Variants in FOXN3 observed in about 807,000 individuals in gnomAD.
FOXN3 encodes the protein forkhead box N3, also known as forkhead box protein N3.
FOXN3 carries 7 observed loss-of-function variants against 38.4 expected under a neutral mutation model. The ratio of observed to expected loss-of-function variants is 0.18; its 90% CI spans 0.10 to 0.34. The LOEUF (loss-of-function observed/expected upper bound fraction) is 0.34. Ranked by LOEUF, FOXN3 falls within the 10% of genes least tolerant of loss-of-function variation. The pLI is 1.00. For synonymous variants in FOXN3, 230 were observed against 242.2 expected, an observed-to-expected ratio of 0.95 and a Z score of 0.47; for missense variants, 456 against 613.4, an observed-to-expected ratio of 0.74 and a Z score of 2.71.
intron 4 of FOXN3, among the ~76,000 whole-genome samples, chr14:89,277,992 C>T (rs1287334415): frequency 1.3e-5 from 2 of 152,042 alleles, no homozygotes; most frequent in Non-Finnish European, 2.9e-5. Flanking sequence ...GTCAGTTCTC[C>T]CAAGAAATGA....
intron 3 of FOXN3, among the ~76,000 whole-genome samples, chr14:89,324,908 G>A (rs1346303642): frequency 6.6e-6 from 1 of 152,166 alleles, no homozygotes; most frequent in Non-Finnish European, 1.5e-5. Flanking sequence ...CTGAGATTCT[G>A]CATTTCTCCC....
At chr14:89,498,373 C>A (rs1185178189) in intron 1 of FOXN3, among the ~76,000 whole-genome samples, 3 of 151,968 alleles carry the variant, frequency 2.0e-5, no homozygotes, top group Admixed American at 1.3e-4. Flanking sequence ...CAGGCACGTG[C>A]CACCACACCC....
chr14:89,597,265 A>AT (rs1471190386), intron 1 of FOXN3, among the ~76,000 whole-genome samples: 1 of 152,034 alleles, frequency 6.6e-6, no homozygotes, highest in South Asian at 2.1e-4. Context: ...TTTCATTTAT[A>AT]TTTTTTGTAA....
At chr14:89,246,601 G>A (rs1373544816) in intron 4 of FOXN3, among the ~76,000 whole-genome samples, 10 of 129,020 alleles carry the variant, frequency 7.8e-5, no homozygotes, top group Non-Finnish European at 4.6e-5. Context: ...GTTCAGGGGC[G>A]TGGTCTCGGC....
At chr14:89,280,921 G>C in intron 4 of FOXN3, 29 bp downstream of exon 4, 1 of 1,588,914 alleles carries the variant, frequency 6.3e-7, no homozygotes, top group Non-Finnish European at 8.6e-7. Context: ...GAGGGGGAGG[G>C]AGAGGAAGGG....
chr14:89,265,081 C>T (rs1379580436), intron 4 of FOXN3, among the ~76,000 whole-genome samples: 1 of 152,108 alleles, frequency 6.6e-6, no homozygotes, highest in Non-Finnish European at 1.5e-5. Context: ...ATGTCACAAC[C>T]TTTGCCTTTG....
chr14:89,404,907 C>T (rs1006785929), intron 2 of FOXN3, among the ~76,000 whole-genome samples: 1 of 152,104 alleles, frequency 6.6e-6, no homozygotes, highest in African/African-American at 2.4e-5. Context: ...TTTACACATC[C>T]GAACCAGACC....
chr14:89,469,323 T>C (rs1566666818), intron 1 of FOXN3, among the ~76,000 whole-genome samples: 4 of 152,134 alleles, frequency 2.6e-5, no homozygotes, highest in African/African-American at 7.2e-5. Flanking sequence ...GCATACCCAG[T>C]TGGGTTAGGG....
intron 1 of FOXN3, among the ~76,000 whole-genome samples, chr14:89,602,125 CA>C (rs1896164204): frequency 1.3e-5 from 2 of 151,878 alleles, no homozygotes; most frequent in Admixed American, 1.3e-4. Context: ...CCCATCTCCA[CA>C]AAAAATACAA....
intron 4 of FOXN3, among the ~76,000 whole-genome samples, chr14:89,256,577 T>C (rs1278713658): frequency 6.6e-6 from 1 of 152,214 alleles, no homozygotes; most frequent in Non-Finnish European, 1.5e-5. Flanking sequence ...GCTGAGCCTC[T>C]GATGCTTGGC....
At chr14:89,217,599 C>T (rs974324537) in intron 4 of FOXN3, among the ~76,000 whole-genome samples, 1 of 152,230 alleles carries the variant, frequency 6.6e-6, no homozygotes, top group East Asian at 1.9e-4. Context: ...CTTCTCTGAG[C>T]TTCAGTTTCC....
chr14:89,555,864 TGTGTGTGTGTGTATGTGG>T (rs1895106350), intron 1 of FOXN3, among the ~76,000 whole-genome samples: 1 of 128,664 alleles, frequency 7.8e-6, no homozygotes. Flanking sequence ...TGTGTGTGTG[TGTGTGTGTGTGTATGTGG>T]GGGTGTATGT....
At chr14:89,424,714 A>AC (rs888269376) in intron 1 of FOXN3, among the ~76,000 whole-genome samples, 10 of 109,070 alleles carry the variant, frequency 9.2e-5, no homozygotes, top group African/African-American at 4.1e-4. Context: ...ATGACTCTAC[A>AC]AAAAAAAAAA....
chr14:89,471,175 T>A (rs1893087392), intron 1 of FOXN3, among the ~76,000 whole-genome samples: 2 of 152,076 alleles, frequency 1.3e-5, no homozygotes, highest in Non-Finnish European at 2.9e-5. Context: ...GGCTTATATT[T>A]TTGAGCAAAA....
intron 3 of FOXN3, among the ~76,000 whole-genome samples, chr14:89,306,323 C>A (rs1327468718): frequency 7.1e-6 from 1 of 141,216 alleles, no homozygotes; most frequent in Non-Finnish European, 1.5e-5. Context: ...CTCACAGACA[C>A]ACAGACGCAT....
chr14:89,570,087 G>A (rs796863284), intron 1 of FOXN3, among the ~76,000 whole-genome samples: 51 of 150,680 alleles, frequency 3.4e-4, no homozygotes, highest in Middle Eastern at 3.4e-3. Flanking sequence ...TGCAATCTCC[G>A]CCTCCCAGGT....
chr14:89,507,870 G>A (rs1321533149), intron 1 of FOXN3, among the ~76,000 whole-genome samples: 1 of 152,162 alleles, frequency 6.6e-6, no homozygotes, highest in African/African-American at 2.4e-5. Context: ...AAAGCATTTA[G>A]ATAATGAAGC....
At chr14:89,564,181 T>C (rs1002050175) in intron 1 of FOXN3, among the ~76,000 whole-genome samples, 7 of 151,950 alleles carry the variant, frequency 4.6e-5, no homozygotes, top group African/African-American at 1.5e-4. Context: ...AGTGAGGGGA[T>C]AGTGAAAAAA....
intron 2 of FOXN3, among the ~76,000 whole-genome samples, chr14:89,390,190 C>T (rs1890900793): frequency 6.7e-6 from 1 of 150,168 alleles, no homozygotes; most frequent in Non-Finnish European, 1.5e-5. Context: ...CATGCCACTG[C>T]ACTCCAGCTA....
Sources: allele counts gnomAD v4.1 joint callset (sites outside exome capture counted in the v4.1 genomes callset), GRCh38; gene constraint gnomAD v4.1.1; transcripts MANE v1.5; gene names NCBI Gene and HGNC (gene_info 2026-07-23, HGNC 2026-07-21).